Variants in CAMK4 observed in about 807,000 individuals in gnomAD.
CAMK4 encodes the protein calcium/calmodulin-dependent protein kinase type IV.
CAMK4 carries 22 observed loss-of-function variants against 44.9 expected under a neutral mutation model. The ratio of observed to expected loss-of-function variants is 0.49; its 90% CI spans 0.35 to 0.70. The LOEUF (loss-of-function observed/expected upper bound fraction) is 0.70. Ranked by LOEUF, CAMK4 falls within the 30% of genes least tolerant of loss-of-function variation. CAMK4 has a pLI of 0.01. For synonymous variants in CAMK4, 218 were observed against 215.4 expected (o/e 1.01, Z -0.11); for missense variants, 498 against 586.8 (o/e 0.85, Z 1.56).
intron 7 of CAMK4, among the ~76,000 whole-genome samples, chr5:111,464,076 T>C (rs1018724259): frequency 9.9e-5 from 15 of 151,396 alleles, no homozygotes; most frequent in Non-Finnish European, 1.0e-4. Flanking sequence ...TGAAGTCCAA[T>C]TAAATGAAAT....
In CAMK4 at chr5:111,394,812, C is replaced by T. The variant is rs562173136; in HGVS notation, c.459+30C>T. 1.6e-4 allele frequency: 212 copies of T among 1,362,924 alleles called. 2 individuals are homozygous for T. The South Asian group carries it at 2.4e-3, about 15-fold the overall frequency. The allele number at this position is 1,362,924 out of a possible 1,614,324, so 84.4% of individuals were successfully genotyped here. On this transcript the variant is annotated intron_variant, in intron 5 of 10. Coordinates refer to ENST00000282356, the MANE Select transcript of CAMK4 (RefSeq NM_001744.6). ...GTATGAAGTAACAGCAATGGTGTAACTCTTAGTCATCTCTTCCTTTTACAG... is the reference window on the plus strand; with the variant it reads ...GTATGAAGTAACAGCAATGGTGTAATTCTTAGTCATCTCTTCCTTTTACAG...
intron 7 of CAMK4, among the ~76,000 whole-genome samples, chr5:111,450,590 C>T (rs1191717227): frequency 1.4e-5 from 1 of 71,312 alleles, no homozygotes; most frequent in African/African-American, 7.2e-5. Flanking sequence ...GAGTTTGGGA[C>T]CAGCCTGGCC....
At chr5:111,417,302 C>T (rs889159161) in intron 5 of CAMK4, among the ~76,000 whole-genome samples, 7 of 151,622 alleles carry the variant, frequency 4.6e-5, no homozygotes, top group African/African-American at 7.3e-5. Context: ...TCAGTACCTC[C>T]GCCCCCCGGG....
intron 1 of CAMK4, among the ~76,000 whole-genome samples, chr5:111,324,031 AAAAT>A (rs1445457350): frequency 1.3e-5 from 2 of 152,056 alleles, no homozygotes; most frequent in African/African-American, 4.8e-5. Flanking sequence ...TAAACTGAGA[AAAAT>A]AAGATATATA....
chr5:111,292,503 T>C (rs1747316122), intron 1 of CAMK4, among the ~76,000 whole-genome samples: 1 of 152,170 alleles, frequency 6.6e-6, no homozygotes, highest in South Asian at 2.1e-4. Context: ...AAGCCCACCT[T>C]ATTTTAATGG....
chr5:111,243,868 C>T (rs2112524750), intron 1 of CAMK4, among the ~76,000 whole-genome samples: 1 of 152,312 alleles, frequency 6.6e-6, no homozygotes, highest in South Asian at 2.1e-4. Context: ...ATGCATTCAT[C>T]TTCACCATTC....
At chr5:111,476,795 G>C (rs568834146) in intron 8 of CAMK4, among the ~76,000 whole-genome samples, 1 of 152,294 alleles carries the variant, frequency 6.6e-6, no homozygotes, top group African/African-American at 2.4e-5. Flanking sequence ...TAACATCAGA[G>C]ATTCAAACTC....
intron 1 of CAMK4, among the ~76,000 whole-genome samples, chr5:111,276,304 AGCCTGT>A: frequency 2.0e-5 from 3 of 152,112 alleles, no homozygotes. Flanking sequence ...AACCACCCAT[AGCCTGT>A]GGGCCACCTC....
At chr5:111,434,493 G>T (rs1215339978) in intron 5 of CAMK4, among the ~76,000 whole-genome samples, 1 of 152,166 alleles carries the variant, frequency 6.6e-6, no homozygotes, top group Non-Finnish European at 1.5e-5. Flanking sequence ...CCGAAGCTTG[G>T]CTACTTTGCC....
intron 1 of CAMK4, among the ~76,000 whole-genome samples, chr5:111,252,814 A>G (rs1749566073): frequency 6.6e-6 from 1 of 152,240 alleles, no homozygotes; most frequent in South Asian, 2.1e-4. Context: ...ATGTGTCTGT[A>G]ATTAATGACA....
At chr5:111,293,938 A>G (rs1747383318) in intron 1 of CAMK4, among the ~76,000 whole-genome samples, 1 of 150,962 alleles carries the variant, frequency 6.6e-6, no homozygotes, top group South Asian at 2.1e-4. Flanking sequence ...TAGTAGAGAC[A>G]GGGTTTCACT....
intron 7 of CAMK4, among the ~76,000 whole-genome samples, chr5:111,463,594 T>C (rs1754716751): frequency 6.6e-6 from 1 of 152,188 alleles, no homozygotes; most frequent in Non-Finnish European, 1.5e-5. Context: ...TCCATTTCAC[T>C]TTCCTGCCAC....
At chr5:111,348,110 TA>T (rs140669036) in intron 2 of CAMK4, among the ~76,000 whole-genome samples, 48 of 152,172 alleles carry the variant, frequency 3.2e-4, no homozygotes, top group African/African-American at 1.2e-3. Context: ...AGGATCTGTT[TA>T]AACATTTTTC....
chr5:111,408,928 A>G lies in CAMK4; in HGVS notation c.459+14146A>G, dbSNP rs114400849. ...TCTCACCTCCAGATCATGCTGATGC[A>G]AGCAGTGGGCTCCCATGGGCATGGG... On this transcript the variant is annotated intron_variant, in intron 5 of 10. Coordinates refer to ENST00000282356, the MANE Select transcript of CAMK4 (RefSeq NM_001744.6). Among the ~76,000 whole-genome samples the G allele has an allele frequency of 7.2e-3, 1,104 of 152,282 alleles. 27 individuals are homozygous for G. The highest frequency in any genetic ancestry group is 0.026 in the African/African-American group (1,062 of 41,550).
chr5:111,405,832 C>T (rs1021787827), intron 5 of CAMK4, among the ~76,000 whole-genome samples: 8 of 152,134 alleles, frequency 5.3e-5, no homozygotes, highest in South Asian at 2.1e-4. Context: ...ATGAAAAGCA[C>T]GACCTTCCCC....
intron 1 of CAMK4, among the ~76,000 whole-genome samples, chr5:111,228,546 G>GTGTGTA (rs1554053041): frequency 6.7e-6 from 1 of 150,082 alleles, no homozygotes; most frequent in African/African-American, 2.5e-5. Context: ...GTGTGTGTGT[G>GTGTGTA]TATAAAACAG....
intron 4 of CAMK4, among the ~76,000 whole-genome samples, chr5:111,391,313 C>G (rs1469006636): frequency 6.6e-6 from 1 of 151,986 alleles, no homozygotes; most frequent in East Asian, 1.9e-4. Flanking sequence ...AGCCATGAAA[C>G]TAGAAAAGAT....
intron 1 of CAMK4, among the ~76,000 whole-genome samples, chr5:111,314,668 G>T (rs541650939): frequency 4.3e-4 from 65 of 152,150 alleles, no homozygotes; most frequent in African/African-American, 1.4e-3. Context: ...TGATGTAATT[G>T]TGTGTTTCAT....
intron 1 of CAMK4, among the ~76,000 whole-genome samples, chr5:111,261,169 A>C (rs1285522907): frequency 1.3e-5 from 2 of 152,310 alleles, no homozygotes; most frequent in East Asian, 1.9e-4. Flanking sequence ...GATTATTCCC[A>C]AACTCAGTTA....
Sources: allele counts gnomAD v4.1 joint callset (sites outside exome capture counted in the v4.1 genomes callset), GRCh38; gene constraint gnomAD v4.1.1; transcripts MANE v1.5; gene names NCBI Gene and HGNC (gene_info 2026-07-23, HGNC 2026-07-21).